The following MOSPD1 variants were observed in gnomAD, a reference collection of about 807,000 sequenced individuals.
MOSPD1 encodes the protein motile sperm domain-containing protein 1.
A neutral mutation model predicts 16.7 loss-of-function variants in MOSPD1; 5 were observed. The observed-to-expected ratio is 0.30, with a 90% CI of 0.16 to 0.63. The LOEUF is 0.63. MOSPD1 is among the 30% of genes least tolerant of loss of function. The pLI is 0.82. For missense variants in MOSPD1, 104 were observed against 153.6 expected, an observed-to-expected ratio of 0.68 and a Z score of 1.71; for synonymous variants, 67 against 59.2, an observed-to-expected ratio of 1.13 and a Z score of -0.61.
intron 5 of MOSPD1, among the ~76,000 whole-genome samples, chrX:134,890,122 G>C (rs1418353018): frequency 9.2e-6 from 1 of 108,438 alleles, no homozygotes; most frequent in African/African-American, 3.4e-5. Context: ...AGAGAACGAG[G>C]AGATGGGCAG....
At chrX:134,906,914 C>A (rs757051453) in intron 1 of MOSPD1, among the ~76,000 whole-genome samples, 6 of 111,486 alleles carry the variant, frequency 5.4e-5, no homozygotes, top group Admixed American at 3.9e-4. Flanking sequence ...CTTATACAGT[C>A]ATCCCTTCTA....
At chrX:134,903,711 C>CAAAA (rs772831491) in intron 1 of MOSPD1, among the ~76,000 whole-genome samples, 4 of 54,916 alleles carry the variant, frequency 7.3e-5, no homozygotes, top group South Asian at 9.8e-4. Context: ...GACTCCATCT[C>CAAAA]AAAAAAAAAA....
At chrX:134,891,714 A>G (rs6529648) in intron 4 of MOSPD1, 74 bp from the exon 5 acceptor site, 433,727 of 1,002,999 alleles carry the variant, frequency 0.43, 66,765 homozygotes, top group African/African-American at 0.7. Flanking sequence ...AACACTGGCC[A>G]CCACAGACCA....
chrX:134,893,747 T>C (rs147979120), intron 4 of MOSPD1, among the ~76,000 whole-genome samples: 1,604 of 111,696 alleles, frequency 0.014, 37 homozygotes, highest in African/African-American at 0.05. Flanking sequence ...TCTATGACAA[T>C]GTATAAGCAT....
At chrX:134,902,339 G>A (rs909542264) in intron 1 of MOSPD1, among the ~76,000 whole-genome samples, 18 of 109,048 alleles carry the variant, frequency 1.7e-4, no homozygotes, top group African/African-American at 5.7e-4. Flanking sequence ...CCCGGGAGGC[G>A]GAGGTTGCAG....
Position 134,899,415 on chromosome X carries a change from G to T in MOSPD1, c.19C>A (p.Gln7Lys). The change falls in exon 2 of 6, where the codon CAA (glutamine) becomes AAA (lysine). Residue 7 changes from glutamine (Q) to lysine (K), a missense_variant. Physicochemically the swap from Gln to Lys is moderately conservative, Grantham distance 53 (BLOSUM62 1). Around this residue, in one of 3 missense-constraint regions of MOSPD1, gnomAD observed 21 missense variants for 52.6 expected, o/e 0.40. Transcript: ENST00000370783. The stretch of plus-strand genomic sequence containing the variant: ...AGATTTCCTTCCACTAACTCTGGTT[G>T]TCTTTTTTGTTGATGCATTGGCACT... Reference protein sequence around the residue: MHQQKRQPELVEGNLPV... With the variant: MHQQKRKPELVEGNLPV... 8.5e-7 allele frequency: 1 copy of T among 1,180,069 alleles called. No individual in the cohort carries two copies. The highest frequency in any genetic ancestry group is 1.1e-6 in the Non-Finnish European group (1 of 884,962).
intron 5 of MOSPD1, among the ~76,000 whole-genome samples, chrX:134,889,900 G>A (rs1303398956): frequency 1.8e-5 from 2 of 109,858 alleles, no homozygotes; most frequent in Admixed American, 9.7e-5. Flanking sequence ...GCAAAACCCC[G>A]TCTCTACTAA....
At chrX:134,891,253 T>C (rs775868548) in intron 5 of MOSPD1, among the ~76,000 whole-genome samples, 1 of 110,422 alleles carries the variant, frequency 9.1e-6, no homozygotes, top group African/African-American at 3.3e-5. Context: ...CCATTGTAAG[T>C]CAGCAAAAGG....
intron 1 of MOSPD1, among the ~76,000 whole-genome samples, chrX:134,909,891 C>T (rs2082962076): frequency 1.1e-5 from 1 of 89,393 alleles, no homozygotes; most frequent in Non-Finnish European, 2.2e-5. Context: ...GAGTAGTATA[C>T]ATTTTAAGAT....
chrX:134,898,891 C>T, intron 3 of MOSPD1, 199 bp downstream of exon 3: 1 of 387,958 alleles, frequency 2.6e-6, no homozygotes, highest in South Asian at 5.5e-5. Flanking sequence ...TATACATGAG[C>T]TCCAACGTAA....
intron 5 of MOSPD1, among the ~76,000 whole-genome samples, 184 bp downstream of exon 5, chrX:134,891,295 T>C (rs145370529): frequency 0.012 from 1,305 of 107,796 alleles, 9 homozygotes; most frequent in Non-Finnish European, 0.019. Flanking sequence ...AGGTACTAGA[T>C]AAATAAGCTA....
intron 1 of MOSPD1, among the ~76,000 whole-genome samples, chrX:134,911,863 A>G (rs73570754): frequency 0.011 from 1,285 of 112,334 alleles, 15 homozygotes; most frequent in African/African-American, 0.04. Context: ...TCCAGGAAGA[A>G]GCTGGAATGA....
At chrX:134,892,832 C>T in intron 4 of MOSPD1, among the ~76,000 whole-genome samples, 1 of 111,236 alleles carries the variant, frequency 9.0e-6, no homozygotes, top group Non-Finnish European at 1.9e-5. Context: ...GTGGAGGTTG[C>T]AGTGAGCCTA....
rs773151664 is a variant in MOSPD1 at position 134,888,099 on chromosome X, T to C, written c.*1062A>G. ...TCCTTAGACAAAAGATCAGTTACTA[T>C]GAAAATAACAGTTAAAACTGCATAT... On this transcript the variant is annotated 3_prime_UTR_variant, in exon 6 of 6. Coordinates refer to ENST00000370783, the MANE Select transcript of MOSPD1 (RefSeq NM_019556.3). 1.8e-5 allele frequency: 2 copies of C among 112,490 alleles called. No individual in the cohort carries two copies. The highest frequency in any genetic ancestry group is 7.4e-4 in the South Asian group (2 of 2,713). 9.3% of individuals were successfully genotyped at this position (112,490 alleles called of 1,213,427 possible).
Position 134,896,875 on chromosome X carries a change from T to C in MOSPD1, c.390A>G (p.Glu130=). The change falls in exon 4 of 6, where the codon GAA becomes GAG. Residue 130 remains glutamate (E), a synonymous_variant. Coordinates refer to ENST00000370783, the MANE Select transcript of MOSPD1 (RefSeq NM_019556.3). The part of the protein sequence containing the change: ...SAKEQQKEEE[E]KRLKEHLTES... ...CAGTTAAATGTTCCTTTAATCTTTT[T>C]TCCTCTTCTTCCTTTTGTTGTTCTT... 2 of 1,210,938 alleles carry C rather than the reference T, an allele frequency of 1.7e-6. No homozygotes were observed. Among genetic ancestry groups the C allele is most frequent in the South Asian group, 1.8e-5 (1 of 56,957 alleles).
intron 1 of MOSPD1, among the ~76,000 whole-genome samples, chrX:134,913,452 T>C (rs1388666712): frequency 8.9e-6 from 1 of 111,948 alleles, no homozygotes. Context: ...AGAAAAAGAA[T>C]AGTAGCAAAT....
At position 134,900,652 on chromosome X, in the gene MOSPD1, T is replaced by C. The variant is rs141469491; in HGVS notation, c.-101-1118A>G. On this transcript the variant is annotated intron_variant, in intron 1 of 5. Transcript: ENST00000370783. The stretch of plus-strand genomic sequence containing the variant: ...TAGCTATAACTGACAGAAGTCTGAA[T>C]GCCTGATAAGCGTGATGTTTCTGTA... 5.9e-3 allele frequency among the ~76,000 whole-genome samples: 663 copies of C among 111,626 alleles called. 3 individuals are homozygous for C. Among genetic ancestry groups the C allele is most frequent in the African/African-American group, 0.02 (621 of 30,776 alleles).
intron 1 of MOSPD1, among the ~76,000 whole-genome samples, chrX:134,911,410 T>A (rs770736021): frequency 3.7e-4 from 42 of 112,568 alleles, no homozygotes; most frequent in Non-Finnish European, 6.6e-4. Flanking sequence ...GATATATCCA[T>A]ACAAAGGTGT....
chrX:134,888,315 A>G lies in MOSPD1; in HGVS notation c.*846T>C, dbSNP rs1320360993. 8.9e-6 allele frequency: 1 copy of G among 112,060 alleles called. No individual in the cohort carries two copies. Among genetic ancestry groups the G allele is most frequent in the Non-Finnish European group, 1.9e-5 (1 of 53,098 alleles). 9.2% of individuals were successfully genotyped at this position (112,060 alleles called of 1,213,427 possible). A position where few individuals can be genotyped will look rare whatever the true frequency, so the allele number is the denominator to read the frequency against. ...AAAGGTGAAAAATCATCTCCACATAAATCACCTGGTATCTGGTAATCCCAG... is the reference window on the plus strand; with the variant it reads ...AAAGGTGAAAAATCATCTCCACATAGATCACCTGGTATCTGGTAATCCCAG... On this transcript the variant is annotated 3_prime_UTR_variant, in exon 6 of 6. Coordinates refer to ENST00000370783, the MANE Select transcript of MOSPD1 (RefSeq NM_019556.3).
Sources: allele counts gnomAD v4.1 joint callset (sites outside exome capture counted in the v4.1 genomes callset), GRCh38; gene constraint gnomAD v4.1.1; regional missense constraint gnomAD v4.1.1; transcripts MANE v1.5; gene names NCBI Gene and HGNC (gene_info 2026-07-23, HGNC 2026-07-21).